ASH1L: variants seen among roughly 807,000 people sequenced by gnomAD.
ASH1L encodes the protein ASH1 like histone lysine methyltransferase.
In ASH1L, 23 loss-of-function variants were observed where a neutral mutation model predicts 269.0. That is an observed-to-expected ratio of 0.09 (90% confidence interval 0.06 to 0.12). The LOEUF is 0.12. Ranked by LOEUF, ASH1L falls within the 10% of genes least tolerant of loss-of-function variation. The pLI is 1.00. For missense variants in ASH1L, 2,912 were observed against 3,567.8 expected (o/e 0.82, Z 4.68); for synonymous variants, 1,187 against 1,253.5 (o/e 0.95, Z 1.12).
At chr1:155,463,354 G>T (rs1214336276) in intron 3 of ASH1L, among the ~76,000 whole-genome samples, 2 of 152,136 alleles carry the variant, frequency 1.3e-5, no homozygotes, top group Non-Finnish European at 2.9e-5. Flanking sequence ...ATGTGCCTGG[G>T]CTTTGGTTTA....
At chr1:155,517,486 G>A (rs1356573391) in intron 2 of ASH1L, among the ~76,000 whole-genome samples, 6 of 151,854 alleles carry the variant, frequency 4.0e-5, no homozygotes, top group South Asian at 4.2e-4. Flanking sequence ...AAAACTAGCC[G>A]GGCGTGGTAG....
At chr1:155,430,018 C>A (rs890177330) in intron 5 of ASH1L, among the ~76,000 whole-genome samples, 4 of 151,874 alleles carry the variant, frequency 2.6e-5, no homozygotes, top group Admixed American at 2.6e-4. Context: ...CTCTGTCGCC[C>A]AGGCTGGAGC....
chr1:155,548,250 A>T (rs945134977), intron 1 of ASH1L, among the ~76,000 whole-genome samples: 2 of 152,152 alleles, frequency 1.3e-5, no homozygotes, highest in Non-Finnish European at 2.9e-5. Flanking sequence ...AGCTGGATGC[A>T]GTGGCTCACG....
intron 4 of ASH1L, among the ~76,000 whole-genome samples, chr1:155,442,593 A>G: frequency 6.6e-6 from 1 of 151,428 alleles, no homozygotes; most frequent in African/African-American, 2.4e-5. Flanking sequence ...CAAAAAAAAA[A>G]AAAAAAAAAA....
At chr1:155,547,914 T>C (rs1421855386) in intron 1 of ASH1L, among the ~76,000 whole-genome samples, 1 of 152,104 alleles carries the variant, frequency 6.6e-6, no homozygotes, top group Non-Finnish European at 1.5e-5. Context: ...AGGTGGATCT[T>C]GCAGTAAGCC....
At chr1:155,491,083 T>G (rs1666749107) in intron 2 of ASH1L, among the ~76,000 whole-genome samples, 1 of 151,108 alleles carries the variant, frequency 6.6e-6, no homozygotes. Context: ...ATGATTTTGC[T>G]GGCCATCTGT....
At chr1:155,379,503 CG>C (rs1270205564) in intron 8 of ASH1L, among the ~76,000 whole-genome samples, 2 of 152,082 alleles carry the variant, frequency 1.3e-5, no homozygotes, top group African/African-American at 4.8e-5. Context: ...AAAATCACTA[CG>C]GGAAACTTTT....
At chr1:155,379,191 A>C (rs1354460643) in intron 8 of ASH1L, among the ~76,000 whole-genome samples, 5 of 152,152 alleles carry the variant, frequency 3.3e-5, no homozygotes, top group Non-Finnish European at 7.3e-5. Context: ...GCACAAAGCT[A>C]GACTGTTTAT....
intron 10 of ASH1L, 54 bp from the exon 11 acceptor site, chr1:155,371,037 C>A (rs999491203): frequency 5.5e-5 from 80 of 1,464,710 alleles, no homozygotes; most frequent in Non-Finnish European, 7.4e-5. Flanking sequence ...TACCTTGATG[C>A]ATCCATTTTT....
At chr1:155,370,671 T>A in intron 11 of ASH1L, 21 bp from the exon 12 acceptor site, 1 of 1,613,534 alleles carries the variant, frequency 6.2e-7, no homozygotes, top group Non-Finnish European at 8.5e-7. Context: ...GATAAATGAT[T>A]GAAAGACAAT....
rs149202728 is a variant in ASH1L at position 155,404,582 on chromosome 1, G to A, written c.6009-9029C>T. Among the ~76,000 whole-genome samples the A allele has an allele frequency of 2.7e-3, 410 of 152,160 alleles. 1 individual carries two copies. Among genetic ancestry groups the A allele is most frequent in the African/African-American group, 9.5e-3 (394 of 41,516 alleles). On this transcript the variant is annotated intron_variant, in intron 6 of 27. Coordinates refer to ENST00000392403, the MANE Select transcript of ASH1L (RefSeq NM_018489.3). Reference sequence around the variant, plus strand: ...TCTTAAGCAAAGTCAAGACACACATGACGGAATCCACTAAAAGACTCTTAG... The same window carrying A: ...TCTTAAGCAAAGTCAAGACACACATAACGGAATCCACTAAAAGACTCTTAG...
At chr1:155,408,521 C>A (rs1173969870) in intron 6 of ASH1L, among the ~76,000 whole-genome samples, 1 of 152,020 alleles carries the variant, frequency 6.6e-6, no homozygotes, top group East Asian at 1.9e-4. Flanking sequence ...AAAGAAAGAA[C>A]AAGTCTGATA....
At chr1:155,512,200 G>A (rs1668205454) in intron 2 of ASH1L, among the ~76,000 whole-genome samples, 1 of 151,994 alleles carries the variant, frequency 6.6e-6, no homozygotes, top group Non-Finnish European at 1.5e-5. Context: ...AATCTCAATA[G>A]GAGTTCCAGG....
intron 2 of ASH1L, among the ~76,000 whole-genome samples, chr1:155,494,918 AAAG>A (rs1197624111): frequency 6.6e-6 from 1 of 151,958 alleles, no homozygotes; most frequent in African/African-American, 2.4e-5. Context: ...AGAAGCCAGA[AAAG>A]AATAAGGAAA....
Position 155,357,102 on chromosome 1 carries a change from C to CACACACAG in ASH1L, c.7055+213_7055+214insCTGTGTGT, listed in dbSNP as rs1654471820. On this transcript the variant is annotated intron_variant, in intron 15 of 27. Transcript: ENST00000392403. ...CTACACACACACACACACACACACA[C>CACACACAG]ACACACACACACACACAAAAGGGTA... is the stretch of plus-strand genomic sequence containing the variant. Among the ~76,000 whole-genome samples the CACACACAG allele has an allele frequency of 1.9e-5, 2 of 105,562 alleles. 1 individual carries two copies. Among genetic ancestry groups the CACACACAG allele is most frequent in the South Asian group, 6.9e-4 (2 of 2,908 alleles). 69.3% of individuals were successfully genotyped at this position (105,562 alleles called of 152,430 possible).
intron 3 of ASH1L, among the ~76,000 whole-genome samples, chr1:155,463,665 A>G (rs2148682192): frequency 6.6e-6 from 1 of 152,184 alleles, no homozygotes; most frequent in East Asian, 1.9e-4. Flanking sequence ...ATAGTGGTGC[A>G]TACCCTGTAG....
rs59676231 is a variant in ASH1L at position 155,348,911 on chromosome 1, TAC to T, written c.7554+414_7554+415del. On this transcript the variant is annotated intron_variant, in intron 19 of 27. Transcript: ENST00000392403. ...AAAAAAAAAAAAAAATATATATATA[TAC>T]ACACACACACACACACACACACACA... 8.0e-3 allele frequency among the ~76,000 whole-genome samples: 1,116 copies of T among 140,376 alleles called. 12 individuals are homozygous for T. Among genetic ancestry groups the T allele is most frequent in the African/African-American group, 0.028 (1,050 of 37,320 alleles). The allele number at this position is 140,376 out of a possible 152,430, so 92.1% of individuals were successfully genotyped here. A position where few individuals can be genotyped will look rare whatever the true frequency, so the allele number is the denominator to read the frequency against.
At chr1:155,378,032 AC>A (rs1656615175) in intron 10 of ASH1L, among the ~76,000 whole-genome samples, 1 of 152,004 alleles carries the variant, frequency 6.6e-6, no homozygotes, top group Admixed American at 6.6e-5. Context: ...CAAAAAAAAA[AC>A]AAAACAAAAC....
chr1:155,495,629 T>C (rs1019604743), intron 2 of ASH1L, among the ~76,000 whole-genome samples: 1 of 152,224 alleles, frequency 6.6e-6, no homozygotes, highest in African/African-American at 2.4e-5. Flanking sequence ...GACATTACTG[T>C]ACACTACTGT....
Sources: allele counts gnomAD v4.1 joint callset (sites outside exome capture counted in the v4.1 genomes callset), GRCh38; gene constraint gnomAD v4.1.1; transcripts MANE v1.5; gene names NCBI Gene and HGNC (gene_info 2026-07-23, HGNC 2026-07-21).